SPATA16: variants seen among roughly 807,000 people sequenced by gnomAD.
SPATA16 encodes the protein spermatogenesis-associated protein 16.
A neutral mutation model predicts 63.3 loss-of-function variants in SPATA16; 36 were observed. That is an observed-to-expected ratio of 0.57 (90% CI 0.44 to 0.75). SPATA16 has a LOEUF of 0.75. Among genes scored for constraint, SPATA16 ranks in the 30% least tolerant of loss-of-function variants. The probability of loss-of-function intolerance (pLI) is 0.00; values close to 1 mark genes in which losing one functional copy is unlikely to be tolerated. For synonymous variants in SPATA16, 203 were observed against 216.7 expected, an observed-to-expected ratio of 0.94 and a Z score of 0.56; for missense variants, 646 against 679.3, an observed-to-expected ratio of 0.95 and a Z score of 0.54.
intron 2 of SPATA16, among the ~76,000 whole-genome samples, chr3:173,052,923 T>G (rs2108296170): frequency 6.6e-6 from 1 of 151,820 alleles, no homozygotes; most frequent in Non-Finnish European, 1.5e-5. Context: ...AGTTAGGAGT[T>G]AACTTTTTAT....
intron 7 of SPATA16, among the ~76,000 whole-genome samples, chr3:172,924,631 G>T (rs553395151): frequency 1.3e-5 from 2 of 152,082 alleles, no homozygotes; most frequent in African/African-American, 4.8e-5. Flanking sequence ...GAAAAAATGC[G>T]TCATAAATGT....
intron 10 of SPATA16, among the ~76,000 whole-genome samples, chr3:172,911,743 C>G (rs2109559770): frequency 6.6e-6 from 1 of 152,288 alleles, no homozygotes; most frequent in South Asian, 2.1e-4. Flanking sequence ...TTAACCTTTT[C>G]TTTTCTCTCA....
intron 2 of SPATA16, among the ~76,000 whole-genome samples, chr3:173,089,955 C>G (rs1737180392): frequency 6.6e-6 from 1 of 152,142 alleles, no homozygotes; most frequent in Non-Finnish European, 1.5e-5. Flanking sequence ...CAACTGGATA[C>G]TGTTTTCTAC....
chr3:172,998,963 A>C (rs1734755367), intron 4 of SPATA16, among the ~76,000 whole-genome samples: 1 of 151,980 alleles, frequency 6.6e-6, no homozygotes, highest in South Asian at 2.1e-4. Flanking sequence ...TTTGTTGAAG[A>C]TTTTTGTTCA....
chr3:173,037,633 G>A (rs1488866577), intron 3 of SPATA16, among the ~76,000 whole-genome samples: 1 of 152,066 alleles, frequency 6.6e-6, no homozygotes. Context: ...CCCCAGTGAG[G>A]AAGAGTCATA....
intron 10 of SPATA16, among the ~76,000 whole-genome samples, chr3:172,910,372 G>A (rs1253854097): frequency 6.6e-6 from 1 of 152,062 alleles, no homozygotes; most frequent in African/African-American, 2.4e-5. Context: ...GGTTACAGGC[G>A]TGAGCCACTG....
chr3:172,963,013 T>C (rs1338477958), intron 5 of SPATA16, among the ~76,000 whole-genome samples: 1 of 152,164 alleles, frequency 6.6e-6, no homozygotes, highest in Non-Finnish European at 1.5e-5. Context: ...GAGACAACCC[T>C]ATAAACACAA....
chr3:173,023,445 A>C (rs928088464), intron 3 of SPATA16, among the ~76,000 whole-genome samples: 1 of 151,996 alleles, frequency 6.6e-6, no homozygotes, highest in African/African-American at 2.4e-5. Flanking sequence ...GAAGGGAAAC[A>C]ACTGCCTAAT....
chr3:172,957,364 C>G (rs1156432466), intron 5 of SPATA16, among the ~76,000 whole-genome samples: 1 of 152,086 alleles, frequency 6.6e-6, no homozygotes, highest in Non-Finnish European at 1.5e-5. Flanking sequence ...TCCCTTCCCT[C>G]CAGATCACAA....
chr3:173,123,610 T>A (rs1166814243), intron 1 of SPATA16, among the ~76,000 whole-genome samples: 1 of 151,452 alleles, frequency 6.6e-6, no homozygotes, highest in Admixed American at 6.6e-5. Context: ...GATTTTTTTT[T>A]TTTTTTTTTT....
Position 173,090,064 on chromosome 3 carries a change from A to G in SPATA16, c.612+27056T>C, listed in dbSNP as rs115695649. Among the ~76,000 whole-genome samples, 498 of 152,318 alleles carry G rather than the reference A, an allele frequency of 3.3e-3. 2 individuals are homozygous for G. The highest frequency in any genetic ancestry group is 0.011 in the African/African-American group (477 of 41,582). ...AAGAAATCCCAGAAAAAATGTTGATATAGTTTGGATGTGTCCCTATCCAAC... is the reference window on the plus strand; with the variant it reads ...AAGAAATCCCAGAAAAAATGTTGATGTAGTTTGGATGTGTCCCTATCCAAC... On this transcript the variant is annotated intron_variant, in intron 2 of 10. Transcript: ENST00000351008.
chr3:172,931,223 C>A (rs1279922068), intron 6 of SPATA16, among the ~76,000 whole-genome samples: 1 of 152,136 alleles, frequency 6.6e-6, no homozygotes, highest in Non-Finnish European at 1.5e-5. Context: ...TCTTCAAGAT[C>A]CCATCTTTTT....
chr3:172,895,477 A>C (rs1182945890), intron 10 of SPATA16, among the ~76,000 whole-genome samples: 1 of 152,160 alleles, frequency 6.6e-6, no homozygotes, highest in Non-Finnish European at 1.5e-5. Context: ...CTGGGATTAC[A>C]GGCATGTGCC....
intron 8 of SPATA16, 89 bp from the exon 9 acceptor site, chr3:172,916,570 A>G: frequency 2.2e-6 from 3 of 1,365,126 alleles, no homozygotes; most frequent in Non-Finnish European, 3.1e-6. Context: ...GTGATAACGT[A>G]TTTACATCTT....
intron 6 of SPATA16, among the ~76,000 whole-genome samples, chr3:172,943,076 G>T (rs1207233444): frequency 6.6e-6 from 1 of 152,084 alleles, no homozygotes. Context: ...AAGGGAAGAT[G>T]TTGAAAATTA....
chr3:173,125,152 C>T (rs1179075789), intron 1 of SPATA16, among the ~76,000 whole-genome samples: 1 of 152,156 alleles, frequency 6.6e-6, no homozygotes, highest in East Asian at 1.9e-4. Context: ...GCATGCCAAC[C>T]ACATCCCCCC....
intron 5 of SPATA16, among the ~76,000 whole-genome samples, chr3:172,967,665 A>G (rs1191967465): frequency 6.6e-6 from 1 of 152,218 alleles, no homozygotes; most frequent in Non-Finnish European, 1.5e-5. Context: ...CATTGCTGGC[A>G]TTACTGCCTG....
intron 5 of SPATA16, among the ~76,000 whole-genome samples, chr3:172,972,645 T>A (rs1734073342): frequency 6.6e-6 from 1 of 152,142 alleles, no homozygotes; most frequent in Admixed American, 6.6e-5. Flanking sequence ...ATGCTGAAGT[T>A]ACTATTAGAG....
chr3:172,921,323 TTAAGA>T (rs1247853016), intron 8 of SPATA16, among the ~76,000 whole-genome samples: 1 of 152,166 alleles, frequency 6.6e-6, no homozygotes, highest in African/African-American at 2.4e-5. Flanking sequence ...CTAAAATTCT[TTAAGA>T]TAAATGTGTT....
Sources: gnomAD v4.1 joint callset for allele counts (sites outside exome capture counted in the v4.1 genomes callset) on GRCh38, gnomAD v4.1.1 for gene constraint, MANE v1.5 for transcripts, NCBI Gene and HGNC (gene_info 2026-07-23, HGNC 2026-07-21) for gene names.